RABGAP1L: variants seen among roughly 807,000 people sequenced by gnomAD.
RABGAP1L encodes rab GTPase-activating protein 1-like.
RABGAP1L carries 63 observed loss-of-function variants against 137.7 expected under a neutral mutation model. The ratio of observed to expected loss-of-function variants is 0.46; its 90% CI spans 0.37 to 0.56. The LOEUF is 0.56. RABGAP1L is among the 20% of genes least tolerant of loss of function. The probability of loss-of-function intolerance (pLI) is 0.00; values close to 1 mark genes in which losing one functional copy is unlikely to be tolerated. For missense variants in RABGAP1L, 1,095 were observed against 1,244.0 expected (o/e 0.88, Z 1.80); for synonymous variants, 431 against 433.7 (o/e 0.99, Z 0.08).
intron 14 of RABGAP1L, among the ~76,000 whole-genome samples, chr1:174,639,874 TC>T: frequency 6.6e-6 from 1 of 152,292 alleles, no homozygotes; most frequent in African/African-American, 2.4e-5. Flanking sequence ...ATCAGTACAT[TC>T]CCAGAGCTCA....
At chr1:174,554,436 C>T (rs1366969768) in intron 13 of RABGAP1L, among the ~76,000 whole-genome samples, 1 of 152,124 alleles carries the variant, frequency 6.6e-6, no homozygotes, top group Non-Finnish European at 1.5e-5. Flanking sequence ...ACTGAAATCA[C>T]TGTGAGTTAA....
At chr1:174,569,818 T>G (rs1158929127) in intron 13 of RABGAP1L, among the ~76,000 whole-genome samples, 1 of 152,220 alleles carries the variant, frequency 6.6e-6, no homozygotes, top group Non-Finnish European at 1.5e-5. Context: ...TGCTTCTTCC[T>G]TCTGCTAGAC....
intron 13 of RABGAP1L, among the ~76,000 whole-genome samples, chr1:174,635,565 C>T (rs1264680121): frequency 6.6e-6 from 1 of 152,136 alleles, no homozygotes; most frequent in African/African-American, 2.4e-5. Context: ...TTTTCTTTAT[C>T]ATTAGAAACT....
intron 17 of RABGAP1L, among the ~76,000 whole-genome samples, chr1:174,745,809 AG>A (rs1445895008): frequency 1.3e-5 from 2 of 152,118 alleles, no homozygotes; most frequent in Non-Finnish European, 2.9e-5. Flanking sequence ...ATCTCTTCCT[AG>A]GGTGGTATGT....
At chr1:174,896,609 T>G (rs556854033) in intron 19 of RABGAP1L, among the ~76,000 whole-genome samples, 1 of 152,360 alleles carries the variant, frequency 6.6e-6, no homozygotes, top group South Asian at 2.1e-4. Context: ...CTTGAATTAA[T>G]TTTTGTATAA....
chr1:174,330,751 A>T (rs1320405529), intron 11 of RABGAP1L, among the ~76,000 whole-genome samples: 1 of 152,204 alleles, frequency 6.6e-6, no homozygotes, highest in African/African-American at 2.4e-5. Flanking sequence ...TATTTTTAAA[A>T]TGTCTATACT....
intron 3 of RABGAP1L, among the ~76,000 whole-genome samples, chr1:174,225,085 A>G (rs1210749122): frequency 6.6e-6 from 1 of 152,022 alleles, no homozygotes; most frequent in Non-Finnish European, 1.5e-5. Context: ...AAAATGGTAG[A>G]CATTTCCATA....
chr1:174,892,175 C>T (rs988413182), intron 19 of RABGAP1L, among the ~76,000 whole-genome samples: 13 of 152,204 alleles, frequency 8.5e-5, no homozygotes, highest in Non-Finnish European at 1.5e-4. Context: ...CTCCAGCACT[C>T]GGGTTGGGCC....
At chr1:174,383,470 A>C (rs1239977228) in intron 12 of RABGAP1L, among the ~76,000 whole-genome samples, 1 of 152,062 alleles carries the variant, frequency 6.6e-6, no homozygotes, top group Non-Finnish European at 1.5e-5. Context: ...CCTCTGAGCC[A>C]GGTGTGGGAT....
At chr1:174,833,398 G>A (rs867633648) in intron 19 of RABGAP1L, among the ~76,000 whole-genome samples, 24 of 38,176 alleles carry the variant, frequency 6.3e-4, no homozygotes, top group Admixed American at 4.0e-3. Context: ...GTGTGTGTGT[G>A]TGTATGTGTG....
chr1:174,615,047 T>C (rs1410711404), intron 13 of RABGAP1L, among the ~76,000 whole-genome samples: 2 of 152,230 alleles, frequency 1.3e-5, no homozygotes, highest in Admixed American at 1.3e-4. Flanking sequence ...CTCGGAGTAG[T>C]TTGATCGTCT....
At chr1:174,952,181 A>G (rs1378177620) in intron 19 of RABGAP1L, among the ~76,000 whole-genome samples, 1 of 151,958 alleles carries the variant, frequency 6.6e-6, no homozygotes, top group Admixed American at 6.6e-5. Flanking sequence ...CTAAATAAAC[A>G]AAGCCCTTGA....
chr1:174,425,867 AC>A (rs1301344128), intron 13 of RABGAP1L, among the ~76,000 whole-genome samples: 1 of 152,076 alleles, frequency 6.6e-6, no homozygotes, highest in African/African-American at 2.4e-5. Context: ...AACTTTTTAA[AC>A]ACCCATTTCG....
chr1:174,679,773 C>T (rs993169438), intron 14 of RABGAP1L, among the ~76,000 whole-genome samples: 2 of 152,174 alleles, frequency 1.3e-5, no homozygotes, highest in African/African-American at 4.8e-5. Context: ...CTTATAGATT[C>T]AACACAATCC....
At position 174,991,626 on chromosome 1, in the gene RABGAP1L, GATA is replaced by G. The variant is rs1672059602; in HGVS notation, c.*1629_*1631del. The G allele has an allele frequency of 1.3e-5, 2 of 152,142 alleles. No homozygotes were observed. Among genetic ancestry groups the G allele is most frequent in the South Asian group, 4.1e-4 (2 of 4,828 alleles). 9.4% of individuals were successfully genotyped at this position (152,142 alleles called of 1,614,324 possible). On this transcript the variant is annotated 3_prime_UTR_variant, in exon 26 of 26. Coordinates refer to ENST00000681986, the MANE Select transcript of RABGAP1L (RefSeq NM_001366446.1). ...TGTGATTGTTATGTTATACTCATCA[GATA>G]ATACTTTTCTTACATAAATCTTTCA...
chr1:174,464,429 A>T (rs1319852167), intron 13 of RABGAP1L, among the ~76,000 whole-genome samples: 1 of 152,170 alleles, frequency 6.6e-6, no homozygotes. Flanking sequence ...CCTTTTCTCC[A>T]GGAGCATATA....
intron 13 of RABGAP1L, among the ~76,000 whole-genome samples, chr1:174,400,135 T>G (rs1369617061): frequency 6.6e-6 from 1 of 152,200 alleles, no homozygotes; most frequent in African/African-American, 2.4e-5. Context: ...TGTATGGCTA[T>G]CAATACATCA....
chr1:174,219,088 AGTAG>A lies in RABGAP1L; in HGVS notation c.-33-34_-33-31del. The A allele has an allele frequency of 2.9e-6, 4 of 1,393,556 alleles. No individual in the cohort carries two copies. The South Asian group carries it at 5.3e-5, about 19-fold the overall frequency. 86.3% of individuals were successfully genotyped at this position (1,393,556 alleles called of 1,614,324 possible). A position where few individuals can be genotyped will look rare whatever the true frequency, so the allele number is the denominator to read the frequency against. On this transcript the variant is annotated intron_variant, in intron 1 of 25. Transcript: ENST00000681986. ...TTTTAATTAGTTCATGTTTTTAATCAGTAGGTTTTTTTTTTTAATCCCTTTTGTT... is the reference window on the plus strand; with the variant it reads ...TTTTAATTAGTTCATGTTTTTAATCAGTTTTTTTTTTTAATCCCTTTTGTT...
intron 17 of RABGAP1L, among the ~76,000 whole-genome samples, chr1:174,719,900 C>T (rs577377863): frequency 6.6e-6 from 1 of 151,854 alleles, no homozygotes; most frequent in Non-Finnish European, 1.5e-5. Context: ...GCCCATATTG[C>T]AAGACTTGTA....
Sources: allele counts gnomAD v4.1 joint callset (sites outside exome capture counted in the v4.1 genomes callset), GRCh38; gene constraint gnomAD v4.1.1; transcripts MANE v1.5; gene names NCBI Gene and HGNC (gene_info 2026-07-23, HGNC 2026-07-21).